The following MKX variants were observed in gnomAD, a reference collection of about 807,000 sequenced individuals.
MKX encodes mohawk homeobox, also known as homeobox protein Mohawk.
In MKX, 13 loss-of-function variants were observed where a neutral mutation model predicts 36.0. That is an observed-to-expected ratio of 0.36 (90% CI 0.24 to 0.57). The LOEUF (loss-of-function observed/expected upper bound fraction) is 0.57. Among genes scored for constraint, MKX ranks in the 20% least tolerant of loss-of-function variants. MKX has a pLI of 0.79. For missense variants in MKX, 458 were observed against 456.4 expected (o/e 1.00, Z -0.03); for synonymous variants, 176 against 178.3 (o/e 0.99, Z 0.10).
intron 5 of MKX, among the ~76,000 whole-genome samples, chr10:27,730,596 T>C (rs918233181): frequency 2.0e-5 from 3 of 151,722 alleles, no homozygotes; most frequent in Non-Finnish European, 4.4e-5. Context: ...TAGCTGGGAT[T>C]AGAGGCGCCT....
chr10:27,702,266 A>T, intron 5 of MKX, among the ~76,000 whole-genome samples: 1 of 152,164 alleles, frequency 6.6e-6, no homozygotes, highest in East Asian at 1.9e-4. Context: ...AGGTCCTAAG[A>T]GAGAGAGCTG....
chr10:27,738,487 TG>T lies in MKX; in HGVS notation c.348+2857del, dbSNP rs575577171. On this transcript the variant is annotated intron_variant, in intron 3 of 6. Coordinates refer to ENST00000419761, the MANE Select transcript of MKX (RefSeq NM_173576.3). Reference sequence around the variant, plus strand: ...GGTCTCCTTAACCAAGGATAGGTTCTGGAACAGAATTTTAATGTCAAACTGA... The same window carrying T: ...GGTCTCCTTAACCAAGGATAGGTTCTGAACAGAATTTTAATGTCAAACTGA... 4.4e-3 allele frequency among the ~76,000 whole-genome samples: 665 copies of T among 152,222 alleles called. 20 individuals are homozygous for T. Among genetic ancestry groups the T allele is most frequent in the Admixed American group, 0.039 (598 of 15,284 alleles).
intron 5 of MKX, among the ~76,000 whole-genome samples, chr10:27,678,322 G>A (rs2253539): frequency 0.9 from 136,512 of 152,288 alleles, 62,523 homozygotes; most frequent in East Asian, 1. Context: ...CCTTTGCTCC[G>A]TTTTGCCCAC....
intron 5 of MKX, among the ~76,000 whole-genome samples, chr10:27,696,297 T>A (rs1402643990): frequency 1.3e-5 from 2 of 152,164 alleles, no homozygotes; most frequent in Admixed American, 1.3e-4. Flanking sequence ...CAATTGGTAC[T>A]CTCGTGAAAA....
intron 5 of MKX, among the ~76,000 whole-genome samples, chr10:27,684,920 A>T (rs996841245): frequency 6.6e-6 from 1 of 152,242 alleles, no homozygotes; most frequent in East Asian, 1.9e-4. Context: ...TCACGCTCCT[A>T]TGAGAATCTA....
chr10:27,681,690 G>A (rs1353364360), intron 5 of MKX, among the ~76,000 whole-genome samples: 4 of 152,142 alleles, frequency 2.6e-5, no homozygotes, highest in Non-Finnish European at 5.9e-5. Flanking sequence ...GGAGGCCGAG[G>A]TGGGGAATCA....
At chr10:27,731,338 G>C (rs1206477596) in intron 5 of MKX, among the ~76,000 whole-genome samples, 1 of 152,102 alleles carries the variant, frequency 6.6e-6, no homozygotes, top group Non-Finnish European at 1.5e-5. Context: ...GGAATTGAAA[G>C]AATTCAGAAG....
chr10:27,718,178 G>A (rs894994829), intron 5 of MKX, among the ~76,000 whole-genome samples: 1 of 151,818 alleles, frequency 6.6e-6, no homozygotes, highest in Non-Finnish European at 1.5e-5. Flanking sequence ...AAAGCGCTAA[G>A]CAAAGACAAT....
chr10:27,743,348 C>A lies in MKX; in HGVS notation c.68G>T (p.Arg23Leu). ...GCTGTAGGGCCGGCCACCCCGCTCC[C>A]GCTCCGAGGCGCCTCCGTCCTCAAA... is the stretch of plus-strand genomic sequence containing the variant. Reference protein sequence around the residue: ...VLFEDGGASERERGGRPYSGV... With the variant: ...VLFEDGGASELERGGRPYSGV... The change falls in exon 2 of 7, where the codon CGG becomes CTG. Residue 23 changes from arginine (R) to leucine (L), a missense_variant. Physicochemically the swap from Arg to Leu is moderately radical, Grantham distance 102 (BLOSUM62 -2). Around this residue, in one of 3 missense-constraint regions of MKX, gnomAD observed 149 missense variants for 114.3 expected, o/e 1.30. Coordinates refer to ENST00000419761, the MANE Select transcript of MKX (RefSeq NM_173576.3). 6.3e-7 allele frequency: 1 copy of A among 1,581,142 alleles called. No homozygotes were observed. Among genetic ancestry groups the A allele is most frequent in the Non-Finnish European group, 8.6e-7 (1 of 1,166,340 alleles).
chr10:27,711,184 A>G (rs1268054289), intron 5 of MKX, among the ~76,000 whole-genome samples: 2 of 152,236 alleles, frequency 1.3e-5, no homozygotes, highest in African/African-American at 4.8e-5. Context: ...ACAGTGCTTT[A>G]AAGTCACAGA....
intron 5 of MKX, among the ~76,000 whole-genome samples, chr10:27,724,311 A>G (rs1425818143): frequency 6.6e-6 from 1 of 152,194 alleles, no homozygotes; most frequent in Non-Finnish European, 1.5e-5. Context: ...CCCTATCTGC[A>G]GTCCAGCAGT....
In MKX at chr10:27,713,597, C is replaced by T. The variant is rs11015963; in HGVS notation, c.838+20859G>A. ...TGCAAGAGATGATCACTCCCTCCCA[C>T]CCTGCATGAAAGCAGGAATAATTAT... On this transcript the variant is annotated intron_variant, in intron 5 of 6. Transcript: ENST00000419761. 2.5e-3 allele frequency among the ~76,000 whole-genome samples: 377 copies of T among 152,208 alleles called. 1 individual carries two copies. Among genetic ancestry groups the T allele is most frequent in the African/African-American group, 8.7e-3 (361 of 41,518 alleles).
chr10:27,727,276 G>T lies in MKX; in HGVS notation c.838+7180C>A, dbSNP rs575666257. Among the ~76,000 whole-genome samples the T allele has an allele frequency of 1.6e-3, 248 of 152,300 alleles. 1 individual carries two copies. The highest frequency in any genetic ancestry group is 5.7e-3 in the African/African-American group (235 of 41,570). The stretch of plus-strand genomic sequence containing the variant: ...AGTCTCAGCATCTATCTACACGTAG[G>T]ATTTTTCGGGCTCTCACGTGATACC... On this transcript the variant is annotated intron_variant, in intron 5 of 6. Transcript: ENST00000419761.
intron 5 of MKX, among the ~76,000 whole-genome samples, chr10:27,707,175 C>T (rs1836771520): frequency 6.7e-6 from 1 of 148,400 alleles, no homozygotes; most frequent in African/African-American, 2.4e-5. Flanking sequence ...AGATGTGCCC[C>T]AGGGGGTTAA....
At chr10:27,724,792 C>CACA (rs1554773421) in intron 5 of MKX, among the ~76,000 whole-genome samples, 2 of 137,914 alleles carry the variant, frequency 1.5e-5, no homozygotes, top group South Asian at 4.3e-4. Flanking sequence ...CACACACACA[C>CACA]CCCGCAGAAA....
intron 5 of MKX, among the ~76,000 whole-genome samples, chr10:27,685,718 G>A (rs1836334850): frequency 6.6e-6 from 1 of 152,116 alleles, no homozygotes; most frequent in African/African-American, 2.4e-5. Context: ...TCAAAGTGCT[G>A]GGATTACAGG....
In MKX at chr10:27,744,498, G is replaced by A. The variant is rs1219221303; in HGVS notation, c.-82-1001C>T. 1.3e-5 allele frequency among the ~76,000 whole-genome samples: 2 copies of A among 152,036 alleles called. No homozygotes were observed. The highest frequency in any genetic ancestry group is 4.8e-5 in the African/African-American group (2 of 41,410). ...CGGAGGCCCTGAGCCTCTGCCTGCCGCGCACCGGCGTCAGGAGCAAGTCCG... is the reference window on the plus strand; with the variant it reads ...CGGAGGCCCTGAGCCTCTGCCTGCCACGCACCGGCGTCAGGAGCAAGTCCG... On this transcript the variant is annotated intron_variant, in intron 1 of 6. Transcript: ENST00000419761. The surrounding 1 kb of genome is among the most constrained non-coding windows in gnomAD (Gnocchi z 5.6).
chr10:27,708,877 C>A (rs1347646424), intron 5 of MKX, among the ~76,000 whole-genome samples: 1 of 151,978 alleles, frequency 6.6e-6, no homozygotes, highest in African/African-American at 2.4e-5. Context: ...CAATAAAAAG[C>A]AGCAATACCG....
chr10:27,693,405 C>A (rs1250595894), intron 5 of MKX, among the ~76,000 whole-genome samples: 4 of 152,032 alleles, frequency 2.6e-5, no homozygotes, highest in African/African-American at 9.7e-5. Context: ...ATCAAAGAAA[C>A]TATAAAGAAA....
Sources: allele counts gnomAD v4.1 joint callset (sites outside exome capture counted in the v4.1 genomes callset), GRCh38; gene constraint gnomAD v4.1.1; regional missense constraint gnomAD v4.1.1; non-coding constraint Gnocchi (gnomAD v3.1); transcripts MANE v1.5; gene names NCBI Gene and HGNC (gene_info 2026-07-23, HGNC 2026-07-21).